The following LARGE1 variants were observed in gnomAD, a reference collection of about 807,000 sequenced individuals.
LARGE1 encodes xylosyl- and glucuronyltransferase LARGE1.
Under a neutral mutation model 87.6 loss-of-function variants are expected in LARGE1, and 43 were observed. That is an observed-to-expected ratio of 0.49 (90% CI 0.38 to 0.63). LARGE1 has a LOEUF of 0.63. Among genes scored for constraint, LARGE1 ranks in the 30% least tolerant of loss-of-function variants. The pLI, the probability that LARGE1 is intolerant of heterozygous loss-of-function variation, is 0.00. For synonymous variants in LARGE1, 434 were observed against 394.6 expected (o/e 1.10, Z -1.18); for missense variants, 802 against 1,000.2 (o/e 0.80, Z 2.67).
chr22:33,627,151 A>G (rs1008781488), intron 3 of LARGE1, among the ~76,000 whole-genome samples: 3 of 152,234 alleles, frequency 2.0e-5, no homozygotes, highest in Non-Finnish European at 2.9e-5. Context: ...ACAGGTGACA[A>G]ATATACTCAT....
chr22:33,700,422 G>A (rs987332255), intron 2 of LARGE1, among the ~76,000 whole-genome samples: 53 of 152,212 alleles, frequency 3.5e-4, no homozygotes, highest in Admixed American at 9.2e-4. Flanking sequence ...TATGCGGAAG[G>A]CTGAATGCTG....
intron 6 of LARGE1, among the ~76,000 whole-genome samples, chr22:33,434,811 T>C (rs1417794117): frequency 2.0e-5 from 3 of 152,220 alleles, no homozygotes; most frequent in East Asian, 3.9e-4. Context: ...CTTGCTCATA[T>C]AGCTCTCCCT....
At chr22:33,475,429 T>C (rs2069031930) in intron 6 of LARGE1, among the ~76,000 whole-genome samples, 2 of 14,824 alleles carry the variant, frequency 1.3e-4, no homozygotes, top group Non-Finnish European at 4.0e-4. Flanking sequence ...GAGTCATATT[T>C]ATTTATTTAT....
chr22:33,205,154 G>T (rs935401652), intron 11 of LARGE1, among the ~76,000 whole-genome samples: 1 of 152,112 alleles, frequency 6.6e-6, no homozygotes, highest in Non-Finnish European at 1.5e-5. Context: ...TGTCTCAGAT[G>T]CTACCCCCTT....
At chr22:33,096,367 G>GTCAT in the LARGE1 span, among the ~76,000 whole-genome samples, 3 of 146,934 alleles carry the variant, frequency 2.0e-5, no homozygotes, top group Non-Finnish European at 4.5e-5. Flanking sequence ...ATGAGCCGAG[G>GTCAT]TCATTCCAGT....
In LARGE1 at chr22:33,650,657, C is replaced by G. The variant is rs188675457; in HGVS notation, c.118G>C (p.Val40Leu). The G allele has an allele frequency of 2.4e-5, 39 of 1,600,820 alleles. No homozygotes were observed. In the Admixed American group the frequency reaches 3.0e-4, roughly 12 times the overall value. Reference sequence around the variant, plus strand: ...TGGGACTCCAGCGGTGACAGAGACACGGGCTTTCCATCTGGGGAGCGAAAC... The same window carrying G: ...TGGGACTCCAGCGGTGACAGAGACAGGGGCTTTCCATCTGGGGAGCGAAAC... ...FSGSFEDGKPVSLSPLESQAH... is the reference protein window; with the variant it reads ...FSGSFEDGKPLSLSPLESQAH... The change falls in exon 3 of 15, where the codon GTG (valine) becomes CTG (leucine). Residue 40 changes from valine to leucine, a missense_variant. Physicochemically the swap from Val to Leu is conservative, Grantham distance 32 (BLOSUM62 1). Around this residue, in one of 2 missense-constraint regions of LARGE1, gnomAD observed 177 missense variants for 158.3 expected, o/e 1.12. Transcript: ENST00000397394.
At chr22:33,639,705 T>G (rs2080371402) in intron 3 of LARGE1, among the ~76,000 whole-genome samples, 1 of 152,192 alleles carries the variant, frequency 6.6e-6, no homozygotes, top group South Asian at 2.1e-4. Context: ...GTACAATAGC[T>G]GAGTCCCAGA....
chr22:33,433,607 CAAAA>C (rs57605083), intron 6 of LARGE1, among the ~76,000 whole-genome samples: 1 of 88,260 alleles, frequency 1.1e-5, no homozygotes, highest in Admixed American at 1.4e-4. Context: ...AAAAACAAAA[CAAAA>C]AAAAAAAAAA....
chr22:33,239,535 C>CTTTTTTTTTTTTTTTTTTTTTTTT (rs71187254), intron 11 of LARGE1, among the ~76,000 whole-genome samples: 2 of 95,314 alleles, frequency 2.1e-5, no homozygotes, highest in Non-Finnish European at 4.1e-5. Flanking sequence ...TTTTTCTTTT[C>CTTTTTTTTTTTTTTTTTTTTTTTT]TTTTTTTTTT....
chr22:33,915,742 G>A (rs1324479541), intron 1 of LARGE1, among the ~76,000 whole-genome samples: 1 of 152,092 alleles, frequency 6.6e-6, no homozygotes, highest in Non-Finnish European at 1.5e-5. Flanking sequence ...AGCAAGAAGC[G>A]GGGGCACAGT....
chr22:33,539,251 T>C (rs561841153), intron 6 of LARGE1, among the ~76,000 whole-genome samples: 277 of 105,568 alleles, frequency 2.6e-3, no homozygotes, highest in African/African-American at 7.8e-3. Flanking sequence ...ATTTTCTGAT[T>C]AAAAGAAAAA....
chr22:33,539,478 T>A (rs1489446044), intron 6 of LARGE1, among the ~76,000 whole-genome samples: 1 of 152,234 alleles, frequency 6.6e-6, no homozygotes, highest in Non-Finnish European at 1.5e-5. Context: ...TTAGCTAGGC[T>A]GGCTTGACAA....
intron 6 of LARGE1, among the ~76,000 whole-genome samples, chr22:33,506,549 G>C (rs1365118360): frequency 6.6e-6 from 1 of 152,228 alleles, no homozygotes; most frequent in Non-Finnish European, 1.5e-5. Context: ...GTCAAAAGTG[G>C]AGGAGGATTC....
rs538660796 is a variant in LARGE1 at position 33,493,852 on chromosome 22, C to T, written c.788-61587G>A. ...TATAGAGCTAATAAATATCAGTGTGCCCAGACTCCTGACATAATTAAGAGA... is the reference window on the plus strand; with the variant it reads ...TATAGAGCTAATAAATATCAGTGTGTCCAGACTCCTGACATAATTAAGAGA... On this transcript the variant is annotated intron_variant, in intron 6 of 14. Transcript: ENST00000397394. 3.9e-5 allele frequency among the ~76,000 whole-genome samples: 6 copies of T among 152,238 alleles called. No homozygotes were observed. The South Asian group carries it at 1.2e-3, about 32-fold the overall frequency.
the LARGE1 span, among the ~76,000 whole-genome samples, chr22:33,106,788 G>A: frequency 3.3e-5 from 5 of 152,124 alleles, no homozygotes; most frequent in African/African-American, 9.7e-5. Context: ...GAGCCACTGC[G>A]CCCAGCCACA....
chr22:33,640,727 G>A (rs2149135079), intron 3 of LARGE1, among the ~76,000 whole-genome samples: 1 of 152,276 alleles, frequency 6.6e-6, no homozygotes, highest in East Asian at 1.9e-4. Flanking sequence ...AAGTCTAGCT[G>A]GGATGATTGA....
At chr22:33,443,253 GT>G (rs1311746723) in intron 6 of LARGE1, among the ~76,000 whole-genome samples, 1 of 152,160 alleles carries the variant, frequency 6.6e-6, no homozygotes, top group Non-Finnish European at 1.5e-5. Context: ...CCACCTCTCA[GT>G]TACAAAAGCC....
chr22:33,610,968 T>C (rs947144680), intron 4 of LARGE1, among the ~76,000 whole-genome samples: 2 of 152,158 alleles, frequency 1.3e-5, no homozygotes, highest in Non-Finnish European at 2.9e-5. Context: ...GCAACTTCCA[T>C]GGGGTGTTAA....
upstream of LARGE1, among the ~76,000 whole-genome samples, chr22:33,921,431 G>A (rs2065948711): frequency 6.6e-6 from 1 of 152,162 alleles, no homozygotes; most frequent in African/African-American, 2.4e-5. This position sits in a 1 kb window ranked among gnomAD's most constrained non-coding sequence, Gnocchi z 4.1. Context: ...TCGCAGGCTT[G>A]CAGGACCATG....
Sources: allele counts gnomAD v4.1 joint callset (sites outside exome capture counted in the v4.1 genomes callset), GRCh38; gene constraint gnomAD v4.1.1; regional missense constraint gnomAD v4.1.1; non-coding constraint Gnocchi (gnomAD v3.1); transcripts MANE v1.5; gene names NCBI Gene and HGNC (gene_info 2026-07-23, HGNC 2026-07-21).